Variants in FDFT1 observed in about 807,000 individuals in gnomAD.
FDFT1 encodes the protein farnesyl-diphosphate farnesyltransferase 1.
A neutral mutation model predicts 46.8 loss-of-function variants in FDFT1; 68 were observed. The ratio of observed to expected loss-of-function variants is 1.45; its 90% CI spans 1.19 to 1.78. The LOEUF is 1.78. FDFT1 is among the 40% of genes most tolerant of loss of function. The pLI is 0.00. For synonymous variants in FDFT1, 351 were observed against 185.1 expected (o/e 1.90, Z -7.28); for missense variants, 928 against 524.4 (o/e 1.77, Z -7.52).
chr8:11,809,013 G>A, intron 2 of FDFT1, 122 bp downstream of exon 2: 2 of 1,444,640 alleles, frequency 1.4e-6, no homozygotes, highest in South Asian at 2.6e-5. Flanking sequence ...GGCTTATCCA[G>A]AACATAGCCC....
chr8:11,804,644 C>T (rs1012112054), intron 1 of FDFT1, among the ~76,000 whole-genome samples: 1 of 109,888 alleles, frequency 9.1e-6, no homozygotes, highest in Middle Eastern at 9.1e-3. Flanking sequence ...TGCTCTGTTA[C>T]CCAGGCTGGA....
chr8:11,797,437 C>T (rs543066843), upstream of FDFT1, among the ~76,000 whole-genome samples: 2 of 152,084 alleles, frequency 1.3e-5, no homozygotes, highest in African/African-American at 4.8e-5. Context: ...ATTGTAAGCT[C>T]CTTGGGTGTG....
At chr8:11,806,998 A>G (rs1806929997) in intron 1 of FDFT1, among the ~76,000 whole-genome samples, 2 of 143,494 alleles carry the variant, frequency 1.4e-5, no homozygotes, top group Non-Finnish European at 3.1e-5. Context: ...TTTTGGCAAA[A>G]TACGTATTCA....
At chr8:11,830,950 CTTGGT>C (rs1178663257) in intron 6 of FDFT1, among the ~76,000 whole-genome samples, 2 of 152,142 alleles carry the variant, frequency 1.3e-5, no homozygotes, top group Non-Finnish European at 2.9e-5. Context: ...GATTTGGGAA[CTTGGT>C]TTGATCTTGT....
chr8:11,821,759 G>T lies in FDFT1; in HGVS notation c.391G>T (p.Glu131Ter). 1.2e-6 allele frequency: 2 copies of T among 1,613,150 alleles called. No individual in the cohort carries two copies. The highest frequency in any genetic ancestry group is 2.2e-5 in the South Asian group (2 of 91,026). ...ACGGTTTCCATTTCAGATCTCCCTT[G>T]AGTTTAGAAATCTGGCTGAGAAATA... Reference protein sequence around the residue: ...VLEDFPTISLEFRNLAEKYQT... With the variant: ...VLEDFPTISL Residue 131 changes from glutamate to a stop codon, truncating the protein, a stop_gained, in exon 4 of 8, where the codon GAG (glutamate) becomes TAG (stop). Transcript: ENST00000220584. LOFTEE classifies it high-confidence loss of function.
upstream of FDFT1, chr8:11,802,371 A>C (rs1806214374): frequency 2.2e-6 from 1 of 451,838 alleles, no homozygotes; most frequent in Non-Finnish European, 4.5e-6. Flanking sequence ...TGCTCTCCCG[A>C]CTGCGGACCA....
At position 11,803,242 on chromosome 8, in the gene FDFT1, G is replaced by A; in HGVS notation, c.99+311G>A. ...CGCTTACCGGTATTTTAACCCGAGG[G>A]TTACACATCTGAGGCAATGTGGGTG... On this transcript the variant is annotated intron_variant, in intron 1 of 7. Transcript: ENST00000220584. 17 of 1,379,898 alleles carry A rather than the reference G, an allele frequency of 1.2e-5. No individual in the cohort carries two copies. In the South Asian group the frequency reaches 2.0e-4, roughly 16 times the overall value. The allele number at this position is 1,379,898 out of a possible 1,614,324, so 85.5% of individuals were successfully genotyped here.
chr8:11,796,622 G>A (rs1432437674), intron 1 of FDFT1, among the ~76,000 whole-genome samples: 2 of 152,212 alleles, frequency 1.3e-5, no homozygotes, highest in Non-Finnish European at 2.9e-5. Context: ...GAGGCTTCTG[G>A]CCTGGGGAAG....
intron 4 of FDFT1, among the ~76,000 whole-genome samples, chr8:11,824,598 T>TC (rs975863819): frequency 8.9e-6 from 1 of 112,418 alleles, no homozygotes; most frequent in Non-Finnish European, 2.3e-5. Flanking sequence ...TGGCTAATTT[T>TC]TTTTTTTTCT....
rs1810581383 is a variant in FDFT1 at position 11,830,224 on chromosome 8, T to C, written c.703-20T>C. ...CCTATGCACACGCTGACCTGTTCCT[T>C]AATCTTCTTATCTGTCTAGGTTTGG... On this transcript the variant is annotated intron_variant, in intron 5 of 7. Transcript: ENST00000220584. The C allele has an allele frequency of 5.6e-6, 9 of 1,602,786 alleles. No individual in the cohort carries two copies. Among genetic ancestry groups the C allele is most frequent in the Non-Finnish European group, 7.7e-6 (9 of 1,169,688 alleles).
At chr8:11,828,038 C>T (rs1810246969) in intron 5 of FDFT1, among the ~76,000 whole-genome samples, 2 of 152,020 alleles carry the variant, frequency 1.3e-5, no homozygotes, top group African/African-American at 4.8e-5. Flanking sequence ...TCCGTCTCTA[C>T]TAAAATTACA....
intron 3 of FDFT1, 93 bp from the exon 4 acceptor site, chr8:11,821,657 C>T (rs1304049492): frequency 1.4e-6 from 2 of 1,425,824 alleles, no homozygotes; most frequent in Non-Finnish European, 2.0e-6. Flanking sequence ...CCATTGCAGT[C>T]ATGATTAATT....
Position 11,804,654 on chromosome 8 carries a change from A to C in FDFT1, c.99+1723A>C, listed in dbSNP as rs111963692. ...AGTCTTGCTCTGTTACCCAGGCTGG[A>C]GTGCAGTGGTGGCGGGACCTCAGCT... On this transcript the variant is annotated intron_variant, in intron 1 of 7. Transcript: ENST00000220584. Among the ~76,000 whole-genome samples, 42 of 114,738 alleles carry C rather than the reference A, an allele frequency of 3.7e-4. 1 individual carries two copies. The highest frequency in any genetic ancestry group is 1.3e-3 in the African/African-American group (39 of 29,068). The allele number at this position is 114,738 out of a possible 152,430, so 75.3% of individuals were successfully genotyped here.
At chr8:11,816,080 A>G (rs927295092) in intron 3 of FDFT1, among the ~76,000 whole-genome samples, 4 of 152,188 alleles carry the variant, frequency 2.6e-5, no homozygotes, top group African/African-American at 9.6e-5. Flanking sequence ...TCAGCTTTCT[A>G]CATATGGCAA....
upstream of FDFT1, among the ~76,000 whole-genome samples, chr8:11,800,080 T>C (rs1171974482): frequency 2.7e-5 from 4 of 150,162 alleles, no homozygotes; most frequent in Non-Finnish European, 5.9e-5. Flanking sequence ...GCCAACATGG[T>C]GAAACCCTGT....
chr8:11,806,205 C>T (rs976766771), intron 1 of FDFT1, among the ~76,000 whole-genome samples: 4 of 152,088 alleles, frequency 2.6e-5, no homozygotes, highest in African/African-American at 9.7e-5. Flanking sequence ...TCCCTCCATC[C>T]CTGTTTTTCT....
At chr8:11,820,108 C>T (rs1350192273) in intron 3 of FDFT1, among the ~76,000 whole-genome samples, 2 of 152,166 alleles carry the variant, frequency 1.3e-5, no homozygotes, top group African/African-American at 4.8e-5. Flanking sequence ...CCGTCAGCTG[C>T]AGGTCTGTTG....
At chr8:11,837,407 C>G (rs1349327091) in intron 7 of FDFT1, among the ~76,000 whole-genome samples, 1 of 152,078 alleles carries the variant, frequency 6.6e-6, no homozygotes, top group African/African-American at 2.4e-5. Flanking sequence ...AATTTTTGTA[C>G]ATTTTGTAGA....
At chr8:11,818,457 G>A (rs759987185) in intron 3 of FDFT1, among the ~76,000 whole-genome samples, 2 of 152,158 alleles carry the variant, frequency 1.3e-5, no homozygotes, top group Non-Finnish European at 2.9e-5. Context: ...TATTGACAGT[G>A]GGATGTTAGA....
Sources: gnomAD v4.1 joint callset for allele counts (sites outside exome capture counted in the v4.1 genomes callset) on GRCh38, gnomAD v4.1.1 for gene constraint, MANE v1.5 for transcripts, NCBI Gene and HGNC (gene_info 2026-07-23, HGNC 2026-07-21) for gene names.